The following GABRA1 variants were observed in gnomAD, a reference collection of about 807,000 sequenced individuals.
The protein encoded by GABRA1 is gamma-aminobutyric acid type A receptor subunit alpha1.
A neutral mutation model predicts 48.9 loss-of-function variants in GABRA1; 9 were observed. The ratio of observed to expected loss-of-function variants is 0.18; its 90% CI spans 0.11 to 0.32. The LOEUF is 0.32. Among genes scored for constraint, GABRA1 ranks in the 10% least tolerant of loss-of-function variants. GABRA1 has a pLI of 1.00. For synonymous variants in GABRA1, 210 were observed against 198.7 expected (o/e 1.06, Z -0.48); for missense variants, 285 against 553.8 (o/e 0.51, Z 4.87).
chr5:161,877,334 C>A (rs1287081072), intron 6 of GABRA1, among the ~76,000 whole-genome samples: 1 of 152,120 alleles, frequency 6.6e-6, no homozygotes, highest in East Asian at 1.9e-4. Context: ...GTCAGGAATG[C>A]TTTCAGCAGT....
chr5:161,863,660 T>G (rs968730052), intron 3 of GABRA1, among the ~76,000 whole-genome samples: 2 of 152,064 alleles, frequency 1.3e-5, no homozygotes, highest in Non-Finnish European at 2.9e-5. Context: ...CCAAACCATA[T>G]GAGTGGATTT....
intron 3 of GABRA1, among the ~76,000 whole-genome samples, chr5:161,864,464 A>G (rs1757978376): frequency 6.6e-6 from 1 of 152,060 alleles, no homozygotes; most frequent in Admixed American, 6.6e-5. Context: ...ATTTATACTG[A>G]CAGTCTTAAC....
At chr5:161,865,630 T>A (rs2113353681) in intron 3 of GABRA1, 91 bp from the exon 4 acceptor site, 2 of 1,004,490 alleles carry the variant, frequency 2.0e-6, no homozygotes, top group East Asian at 4.8e-5. Context: ...TCAAAGACAA[T>A]CAATTTCCCA....
chr5:161,887,936 T>C (rs1294318145), intron 7 of GABRA1, among the ~76,000 whole-genome samples: 1 of 152,132 alleles, frequency 6.6e-6, no homozygotes, highest in Non-Finnish European at 1.5e-5. Flanking sequence ...AATGAACCTA[T>C]GCAAGGTATT....
At chr5:161,870,763 T>A (rs949940014) in intron 4 of GABRA1, among the ~76,000 whole-genome samples, 5 of 152,164 alleles carry the variant, frequency 3.3e-5, no homozygotes, top group Admixed American at 6.6e-5. Flanking sequence ...AGGACTAGCT[T>A]CTGGGAACTA....
chr5:161,862,069 C>T (rs1383327564), intron 3 of GABRA1, among the ~76,000 whole-genome samples: 2 of 151,868 alleles, frequency 1.3e-5, no homozygotes, highest in East Asian at 1.9e-4. Flanking sequence ...ATACCACCTA[C>T]AATTCTTTCT....
chr5:161,882,344 T>C (rs983159410), intron 6 of GABRA1: 2 of 582,604 alleles, frequency 3.4e-6, no homozygotes, highest in Non-Finnish European at 6.1e-6. Context: ...TGTAGATCCT[T>C]ATAACCATTT....
At chr5:161,889,947 C>T (rs1755016610) in intron 7 of GABRA1, among the ~76,000 whole-genome samples, 1 of 152,000 alleles carries the variant, frequency 6.6e-6, no homozygotes, top group Admixed American at 6.6e-5. Context: ...TGAAAGATCA[C>T]TCTACATCAA....
chr5:161,861,048 G>A (rs753075515), intron 3 of GABRA1, among the ~76,000 whole-genome samples: 9 of 151,566 alleles, frequency 5.9e-5, no homozygotes, highest in South Asian at 2.1e-4. Flanking sequence ...TTTGCTATAC[G>A]TCACAGAATG....
At chr5:161,869,266 C>T (rs1754005889) in intron 4 of GABRA1, among the ~76,000 whole-genome samples, 1 of 152,150 alleles carries the variant, frequency 6.6e-6, no homozygotes, top group Admixed American at 6.6e-5. Context: ...ATGCTTACAA[C>T]ACATTAGGCA....
intron 1 of GABRA1, chr5:161,850,402 T>C (rs551990690): frequency 5.9e-5 from 24 of 408,268 alleles, no homozygotes; most frequent in Admixed American, 7.9e-5. Flanking sequence ...AAAATTTTAA[T>C]GCACAGTTCA....
chr5:161,891,120 G>A, intron 8 of GABRA1, 70 bp downstream of exon 8: 1 of 1,410,978 alleles, frequency 7.1e-7, no homozygotes, highest in Non-Finnish European at 1.0e-6. Context: ...CTGTGACACT[G>A]CAAAGAGAAA....
At chr5:161,880,301 A>T (rs956596805) in intron 6 of GABRA1, among the ~76,000 whole-genome samples, 1 of 152,154 alleles carries the variant, frequency 6.6e-6, no homozygotes, top group African/African-American at 2.4e-5. Context: ...CTTAGGTAAG[A>T]TGCTTCCATT....
intron 3 of GABRA1, among the ~76,000 whole-genome samples, chr5:161,864,139 G>C (rs184426173): frequency 6.6e-6 from 1 of 152,028 alleles, no homozygotes; most frequent in Non-Finnish European, 1.5e-5. Context: ...CTTTTAAAAG[G>C]GTAAACTGCA....
intron 7 of GABRA1, 83 bp downstream of exon 7, chr5:161,882,784 C>T (rs1485771005): frequency 1.5e-6 from 2 of 1,333,912 alleles, no homozygotes; most frequent in Non-Finnish European, 1.1e-6. Context: ...TTCAGTAACA[C>T]AAGTCTAGGA....
intron 8 of GABRA1, among the ~76,000 whole-genome samples, chr5:161,893,659 C>A (rs1755225174): frequency 6.6e-6 from 1 of 152,166 alleles, no homozygotes; most frequent in Non-Finnish European, 1.5e-5. Flanking sequence ...GCAGTGTGGT[C>A]ACTTAATTTT....
intron 3 of GABRA1, among the ~76,000 whole-genome samples, chr5:161,858,081 G>C (rs1186610677): frequency 6.6e-6 from 1 of 151,420 alleles, no homozygotes; most frequent in African/African-American, 2.4e-5. Context: ...CAAAACAGAG[G>C]AAATGAAAAA....
rs1390417076 is a variant in GABRA1, at chr5:161,895,811, A to T, written c.1002A>T (p.Val334=). The change falls in exon 9 of 10, where the codon GTA becomes GTT. Residue 334 remains valine, a synonymous_variant. Coordinates refer to ENST00000393943, the MANE Select transcript of GABRA1 (RefSeq NM_001127644.2). ...VFSALIEFAT[V]NYFTKRGYAW... ...CAGCTCTGATTGAGTTTGCCACAGT[A>T]AACTATTTCACTAAGAGAGGTTATG... is the stretch of plus-strand genomic sequence containing the variant. The T allele has an allele frequency of 6.2e-7, 1 of 1,613,960 alleles. No individual in the cohort carries two copies. Among genetic ancestry groups the T allele is most frequent in the African/African-American group, 1.3e-5 (1 of 74,914 alleles).
At position 161,869,695 on chromosome 5, in the gene GABRA1, T is replaced by C. The variant is rs190373725; in HGVS notation, c.256-3422T>C. Reference sequence around the variant, plus strand: ...TTATTTAGGAACATAGCGGATGTTTTGTCCCAGATCTTCAGACTAAGACTC... The same window carrying C: ...TTATTTAGGAACATAGCGGATGTTTCGTCCCAGATCTTCAGACTAAGACTC... On this transcript the variant is annotated intron_variant, in intron 4 of 9. Transcript: ENST00000393943. Among the ~76,000 whole-genome samples, 60 of 152,300 alleles carry C rather than the reference T, an allele frequency of 3.9e-4. No homozygotes were observed. In the East Asian group the frequency reaches 9.3e-3, roughly 24 times the overall value.
Sources: allele counts gnomAD v4.1 joint callset (sites outside exome capture counted in the v4.1 genomes callset), GRCh38; gene constraint gnomAD v4.1.1; transcripts MANE v1.5; gene names NCBI Gene and HGNC (gene_info 2026-07-23, HGNC 2026-07-21).